SEC14L5: variants seen among roughly 807,000 people sequenced by gnomAD.
The protein encoded by SEC14L5 is SEC14-like protein 5.
Under a neutral mutation model 84.6 loss-of-function variants are expected in SEC14L5, and 96 were observed. The observed-to-expected ratio is 1.13, with a 90% CI of 0.96 to 1.34. The LOEUF (loss-of-function observed/expected upper bound fraction) is 1.34, where lower values mean the gene tolerates loss of function less well. Ranked by LOEUF, SEC14L5 falls within the 40% of genes most tolerant of loss-of-function variation. SEC14L5 has a pLI of 0.00. For synonymous variants in SEC14L5, 546 were observed against 383.4 expected (o/e 1.42, Z -4.95); for missense variants, 1,224 against 942.5 (o/e 1.30, Z -3.91).
At position 5,015,391 on chromosome 16, in the gene SEC14L5, A is replaced by C; in HGVS notation, c.*421A>C. On this transcript the variant is annotated 3_prime_UTR_variant, in exon 16 of 16. Coordinates refer to ENST00000251170, the MANE Select transcript of SEC14L5 (RefSeq NM_014692.2). ...TGCATAAGAGAGCCTCTTCCTCCCA[A>C]AGGCTCCAGCCCACTTCCCAGAGCT... The C allele has an allele frequency of 5.8e-6, 1 of 171,610 alleles. No homozygotes were observed. The highest frequency in any genetic ancestry group is 1.3e-5 in the Non-Finnish European group (1 of 79,220). The allele number at this position is 171,610 out of a possible 1,614,324, so 10.6% of individuals were successfully genotyped here.
intron 10 of SEC14L5, among the ~76,000 whole-genome samples, chr16:5,002,803 G>A (rs1955691507): frequency 1.3e-5 from 2 of 152,218 alleles, no homozygotes; most frequent in African/African-American, 2.4e-5. Flanking sequence ...TGGCAGAACT[G>A]GGATTTGAAC....
chr16:4,965,660 C>CAAAAAAA (rs34483309), intron 2 of SEC14L5, among the ~76,000 whole-genome samples: 4 of 53,110 alleles, frequency 7.5e-5, no homozygotes, highest in South Asian at 1.4e-3. Context: ...GACTCCATCT[C>CAAAAAAA]AAAAAAAAAA....
chr16:4,987,644 G>T lies in SEC14L5; in HGVS notation c.151G>T (p.Ala51Ser), dbSNP rs777837030. 2 of 1,555,066 alleles carry T rather than the reference G, an allele frequency of 1.3e-6. No individual in the cohort carries two copies. Among genetic ancestry groups the T allele is most frequent in the East Asian group, 2.5e-5 (1 of 40,570 alleles). Residue 51 changes from alanine to serine, a missense_variant, in exon 3 of 16, where the codon GCT becomes TCT. Physicochemically the swap from Ala to Ser is moderately conservative, Grantham distance 99. Coordinates refer to ENST00000251170, the MANE Select transcript of SEC14L5 (RefSeq NM_014692.2). ...GCGCGAGTCCCGCAGCCCGGACGGG[G>T]CTGTGCACGTGGTGGAGCGGAGCTG... ...VLRESRSPDG[A>S]VHVVERSCRL...
At chr16:4,991,571 A>C (rs1955553795) in intron 5 of SEC14L5, among the ~76,000 whole-genome samples, 1 of 152,070 alleles carries the variant, frequency 6.6e-6, no homozygotes, top group East Asian at 1.9e-4. Context: ...GTCTCAAAAA[A>C]AATAAACAAA....
chr16:4,981,587 G>A (rs190672571), intron 2 of SEC14L5, among the ~76,000 whole-genome samples: 2 of 152,070 alleles, frequency 1.3e-5, no homozygotes, highest in Non-Finnish European at 1.5e-5. Context: ...CGCTTGGCCC[G>A]GGGGGACAGT....
intron 2 of SEC14L5, among the ~76,000 whole-genome samples, chr16:4,968,937 T>C (rs1281783086): frequency 6.6e-6 from 1 of 152,254 alleles, no homozygotes; most frequent in Non-Finnish European, 1.5e-5. Flanking sequence ...GCGTTATTAA[T>C]AAGAAGCAGC....
chr16:4,990,417 G>A (rs1955540287), intron 4 of SEC14L5, among the ~76,000 whole-genome samples: 1 of 152,194 alleles, frequency 6.6e-6, no homozygotes, highest in African/African-American at 2.4e-5. Flanking sequence ...CCCACCTTGG[G>A]CTCCCAAAGT....
intron 2 of SEC14L5, among the ~76,000 whole-genome samples, chr16:4,982,218 C>A (rs1955432638): frequency 1.3e-5 from 2 of 151,964 alleles, no homozygotes; most frequent in African/African-American, 4.8e-5. Flanking sequence ...GCCCCCCCCT[C>A]CCCCCGCCTC....
At chr16:5,003,619 G>GGGGA in intron 11 of SEC14L5, 46 bp downstream of exon 11, 1 of 277,694 alleles carries the variant, frequency 3.6e-6, no homozygotes, top group South Asian at 3.5e-5. Context: ...GGGTGGGTGG[G>GGGGA]ATGGGAGGGG....
intron 14 of SEC14L5, among the ~76,000 whole-genome samples, chr16:5,009,514 G>C (rs141775463): frequency 6.6e-6 from 1 of 151,928 alleles, no homozygotes; most frequent in East Asian, 1.9e-4. Flanking sequence ...TGTAGAGATG[G>C]GGTCTTGCTA....
At chr16:4,974,605 T>C (rs368268898) in intron 2 of SEC14L5, among the ~76,000 whole-genome samples, 1 of 34,078 alleles carries the variant, frequency 2.9e-5, no homozygotes, top group Non-Finnish European at 1.2e-4. Flanking sequence ...GGGGTACAGC[T>C]TTTTTTTTTA....
intron 4 of SEC14L5, among the ~76,000 whole-genome samples, chr16:4,988,880 G>A (rs1164886983): frequency 1.3e-5 from 2 of 152,256 alleles, no homozygotes; most frequent in Non-Finnish European, 1.5e-5. Flanking sequence ...CTGCCCTCAC[G>A]GAGGGTCCAT....
At chr16:5,001,787 C>A (rs1004751150) in intron 10 of SEC14L5, among the ~76,000 whole-genome samples, 1 of 150,764 alleles carries the variant, frequency 6.6e-6, no homozygotes, top group Admixed American at 6.6e-5. Context: ...TTTTTTTTTC[C>A]TTTGAGACAG....
chr16:4,984,838 C>G (rs1307989025), intron 2 of SEC14L5, among the ~76,000 whole-genome samples: 1 of 152,098 alleles, frequency 6.6e-6, no homozygotes, highest in African/African-American at 2.4e-5. Flanking sequence ...GGTATATTTT[C>G]CTTGGGGAAA....
At position 5,018,206 on chromosome 16, in the gene SEC14L5, G is replaced by A. The variant is rs1026900520; in HGVS notation, c.*3236G>A. 3 of 152,234 alleles carry A rather than the reference G, an allele frequency of 2.0e-5. No individual in the cohort carries two copies. Among genetic ancestry groups the A allele is most frequent in the Admixed American group, 6.5e-5 (1 of 15,280 alleles). The allele number at this position is 152,234 out of a possible 1,614,324, so 9.4% of individuals were successfully genotyped here. A position where few individuals can be genotyped will look rare whatever the true frequency, so the allele number is the denominator to read the frequency against. On this transcript the variant is annotated 3_prime_UTR_variant, in exon 16 of 16. Transcript: ENST00000251170. ...GCACAGCTCCCAGAACACAGAAAGCGCTCCATTAATGTCAGTGGTCATTCT... is the reference window on the plus strand; with the variant it reads ...GCACAGCTCCCAGAACACAGAAAGCACTCCATTAATGTCAGTGGTCATTCT...
intron 2 of SEC14L5, among the ~76,000 whole-genome samples, chr16:4,970,652 C>T (rs1404270682): frequency 3.3e-5 from 5 of 152,346 alleles, no homozygotes; most frequent in East Asian, 3.9e-4. Flanking sequence ...GCTCCTGACA[C>T]GTGAGTGAGA....
At chr16:5,010,222 G>C (rs1050929253) in intron 14 of SEC14L5, among the ~76,000 whole-genome samples, 1 of 147,352 alleles carries the variant, frequency 6.8e-6, no homozygotes. Context: ...AAAAAAGCGA[G>C]GTGTGGTGGC....
In SEC14L5 at chr16:5,005,922, C is replaced by CTTCATCAATGAGAACACCAGGCGGAAG; in HGVS notation, c.1315_1341dup (p.Ile439_Phe447dup). On this transcript the variant is annotated inframe_insertion, in exon 12 of 16. Coordinates refer to ENST00000251170, the MANE Select transcript of SEC14L5 (RefSeq NM_014692.2). ...TTATGTCCTGGTTTCAGATCAGCCC[C>CTTCATCAATGAGAACACCAGGCGGAAG]TTCATCAATGAGAACACCAGGCGGA... The CTTCATCAATGAGAACACCAGGCGGAAG allele has an allele frequency of 6.3e-7, 1 of 1,593,040 alleles. No homozygotes were observed. Among genetic ancestry groups the CTTCATCAATGAGAACACCAGGCGGAAG allele is most frequent in the Non-Finnish European group, 8.5e-7 (1 of 1,169,736 alleles).
intron 11 of SEC14L5, among the ~76,000 whole-genome samples, 163 bp from the exon 12 acceptor site, chr16:5,005,751 C>G (rs1311508745): frequency 1.3e-5 from 2 of 150,648 alleles, no homozygotes; most frequent in Non-Finnish European, 2.9e-5. Flanking sequence ...GTAGTCCCAG[C>G]TACTCGGGAG....
Sources: allele counts gnomAD v4.1 joint callset (sites outside exome capture counted in the v4.1 genomes callset), GRCh38; gene constraint gnomAD v4.1.1; transcripts MANE v1.5; gene names NCBI Gene and HGNC (gene_info 2026-07-23, HGNC 2026-07-21).